MT1M: variants seen among roughly 807,000 people sequenced by gnomAD.
MT1M encodes the protein metallothionein-1M.
Under a neutral mutation model 8.5 loss-of-function variants are expected in MT1M, and 11 were observed. That is an observed-to-expected ratio of 1.29 (90% CI 0.81 to 2.14). MT1M has a LOEUF of 2.14. Among genes scored for constraint, MT1M ranks in the 30% most tolerant of loss-of-function variants. The pLI, the probability that MT1M is intolerant of heterozygous loss-of-function variation, is 0.00. For missense variants in MT1M, 84 were observed against 76.6 expected, an observed-to-expected ratio of 1.10 and a Z score of -0.36; for synonymous variants, 28 against 30.0, an observed-to-expected ratio of 0.93 and a Z score of 0.22.
chr16:56,633,136 C>A (rs1468036556), intron 1 of MT1M, among the ~76,000 whole-genome samples: 1 of 152,172 alleles, frequency 6.6e-6, no homozygotes, highest in Non-Finnish European at 1.5e-5. Context: ...GTTGGGTGTG[C>A]CCCTGGGACC....
At chr16:56,632,922 C>A (rs1337239890) in intron 1 of MT1M, among the ~76,000 whole-genome samples, 163 bp downstream of exon 1, 3 of 152,200 alleles carry the variant, frequency 2.0e-5, no homozygotes, top group African/African-American at 7.2e-5. Context: ...ACTGCCCTCC[C>A]TCCTGGGCCT....
intron 2 of MT1M, 131 bp downstream of exon 2, chr16:56,633,536 C>T: frequency 6.3e-7 from 1 of 1,597,130 alleles, no homozygotes; most frequent in Non-Finnish European, 8.5e-7. Flanking sequence ...CATTCCCTCT[C>T]CAGGCTTTCT....
intron 2 of MT1M, 41 bp downstream of exon 2, chr16:56,633,446 G>C (rs755655468): frequency 1.9e-5 from 30 of 1,614,074 alleles, no homozygotes; most frequent in Admixed American, 1.2e-4. Flanking sequence ...GGCTGTGGCT[G>C]AGATTGGGAG....
In MT1M at chr16:56,632,762, A is replaced by T. The variant is rs1363793752; in HGVS notation, c.28+3A>T. Reference sequence around the variant, plus strand: ...CCCCAACTGCTCCTGCACCACTGGTAAGAGAAGCCGACCCTGCGCCCTAGG... The same window carrying T: ...CCCCAACTGCTCCTGCACCACTGGTTAGAGAAGCCGACCCTGCGCCCTAGG... On this transcript the variant is annotated splice_donor_region_variant and intron_variant, in intron 1 of 2. Transcript: ENST00000379818. The T allele has an allele frequency of 3.7e-6, 6 of 1,613,818 alleles. No homozygotes were observed. The highest frequency in any genetic ancestry group is 2.7e-5 in the African/African-American group (2 of 74,936).
chr16:56,633,155 A>G (rs1158465341), intron 1 of MT1M, among the ~76,000 whole-genome samples, 185 bp from the exon 2 acceptor site: 5 of 152,282 alleles, frequency 3.3e-5, no homozygotes, highest in Non-Finnish European at 7.4e-5. Context: ...CCTTCCTGGT[A>G]GGGTAAAACA....
intron 1 of MT1M, 43 bp from the exon 2 acceptor site, chr16:56,633,297 T>C (rs1243354457): frequency 1.2e-6 from 2 of 1,614,042 alleles, no homozygotes; most frequent in South Asian, 1.1e-5. Context: ...CTGTACCTTC[T>C]TCATCTCACT....
chr16:56,632,867 C>T, intron 1 of MT1M, 108 bp downstream of exon 1: 2 of 1,379,478 alleles, frequency 1.4e-6, no homozygotes, highest in Non-Finnish European at 2.1e-6. Context: ...AAGGGAATTC[C>T]TTTACTTCCT....
At chr16:56,633,465 A>T in intron 2 of MT1M, 60 bp downstream of exon 2, 2 of 1,614,126 alleles carry the variant, frequency 1.2e-6, no homozygotes, top group Non-Finnish European at 1.7e-6. Context: ...AGGGAACCCA[A>T]GGCTGGCCCT....
chr16:56,633,822 A>T lies in MT1M; in HGVS notation c.166A>T (p.Asn56Tyr), dbSNP rs1275895288. 1 of 1,614,194 alleles carries T rather than the reference A, an allele frequency of 6.2e-7. No individual in the cohort carries two copies. Among genetic ancestry groups the T allele is most frequent in the Non-Finnish European group, 8.5e-7 (1 of 1,180,042 alleles). The stretch of plus-strand genomic sequence containing the variant: ...CTGTGTCTGCAAAGGGACGTTGGAG[A>T]ACTGCAGCTGCTGTGCCTGATGTGG... ...HGCVCKGTLE[N>Y]CSCCA The change falls in exon 3 of 3, where the codon AAC becomes TAC. Residue 56 changes from asparagine (N) to tyrosine (Y), a missense_variant. Coordinates refer to ENST00000379818, the MANE Select transcript of MT1M (RefSeq NM_176870.3).
Position 56,633,412 on chromosome 16 carries a change from G to A in MT1M, c.94+7G>A. 6.2e-7 allele frequency: 1 copy of A among 1,614,258 alleles called. No individual in the cohort carries two copies. Among genetic ancestry groups the A allele is most frequent in the Non-Finnish European group, 8.5e-7 (1 of 1,180,052 alleles). ...TGCACCTCCTGCAAGAAGAGTGAGT[G>A]CGGGGCCATCTCCAGGAATCTGGGG... On this transcript the variant is annotated splice_region_variant and intron_variant, in intron 2 of 2. Coordinates refer to ENST00000379818, the MANE Select transcript of MT1M (RefSeq NM_176870.3).
intron 1 of MT1M, 55 bp from the exon 2 acceptor site, chr16:56,633,285 T>C: frequency 6.2e-7 from 1 of 1,613,362 alleles, no homozygotes; most frequent in Non-Finnish European, 8.5e-7. Context: ...ATTGACCCAT[T>C]GCTGTACCTT....
intron 1 of MT1M, 85 bp from the exon 2 acceptor site, chr16:56,633,255 G>A (rs1960312845): frequency 6.3e-7 from 1 of 1,586,118 alleles, no homozygotes; most frequent in Non-Finnish European, 8.6e-7. Context: ...CCTGCACAAA[G>A]GAGGGGGCAC....
chr16:56,632,795 T>C (rs1224770115), intron 1 of MT1M, 36 bp downstream of exon 1: 2 of 1,613,598 alleles, frequency 1.2e-6, no homozygotes, highest in Admixed American at 3.3e-5. Flanking sequence ...AGGAATCCCA[T>C]TTCCCAGCCC....
intron 1 of MT1M, 69 bp downstream of exon 1, chr16:56,632,828 T>C: frequency 6.3e-7 from 1 of 1,590,810 alleles, no homozygotes. Context: ...TCTCTGGGTT[T>C]GAGGAGGTCG....
intron 2 of MT1M, 76 bp from the exon 3 acceptor site, chr16:56,633,675 C>T: frequency 4.4e-6 from 7 of 1,604,472 alleles, no homozygotes; most frequent in Non-Finnish European, 6.0e-6. Flanking sequence ...GTTCTGAGCT[C>T]CAGCCAGGCT....
At position 56,633,357 on chromosome 16, in the gene MT1M, A is replaced by T; in HGVS notation, c.46A>T (p.Thr16Ser). ...SCTTGVSCAC[T>S]GSCTCKECKC... Reference sequence around the variant, plus strand: ...CCTTGCAGGTGTCTCCTGCGCCTGCACCGGCTCCTGCACGTGCAAAGAGTG... The same window carrying T: ...CCTTGCAGGTGTCTCCTGCGCCTGCTCCGGCTCCTGCACGTGCAAAGAGTG... Residue 16 changes from threonine (T) to serine (S), a missense_variant, in exon 2 of 3, where the codon ACC becomes TCC. Physicochemically the swap from Thr to Ser is moderately conservative, Grantham distance 58. Transcript: ENST00000379818. 6.2e-7 allele frequency: 1 copy of T among 1,614,198 alleles called. No homozygotes were observed. Among genetic ancestry groups the T allele is most frequent in the South Asian group, 1.1e-5 (1 of 91,088 alleles).
intron 2 of MT1M, 77 bp downstream of exon 2, chr16:56,633,482 A>T: frequency 1.2e-6 from 2 of 1,613,976 alleles, no homozygotes; most frequent in Non-Finnish European, 1.7e-6. Flanking sequence ...CCCTGAGTGC[A>T]TCCTTCTGGG....
Position 56,633,595 on chromosome 16 carries a change from A to G in MT1M, c.95-156A>G, listed in dbSNP as rs1960319859. The G allele has an allele frequency of 1.9e-6, 3 of 1,597,360 alleles. No homozygotes were observed. The South Asian group carries it at 3.3e-5, about 18-fold the overall frequency. On this transcript the variant is annotated intron_variant, in intron 2 of 2. Transcript: ENST00000379818. ...ACAGCATTTTTCTCTTGGGACACAAATCCCAACTGTAGCATCTATGGTTTC... is the reference window on the plus strand; with the variant it reads ...ACAGCATTTTTCTCTTGGGACACAAGTCCCAACTGTAGCATCTATGGTTTC...
Position 56,633,715 on chromosome 16 carries a change from A to G in MT1M, c.95-36A>G, listed in dbSNP as rs759174326. 33 of 1,612,900 alleles carry G rather than the reference A, an allele frequency of 2.0e-5. No homozygotes were observed. In the South Asian group the frequency reaches 3.6e-4, roughly 18 times the overall value. On this transcript the variant is annotated intron_variant, in intron 2 of 2. Coordinates refer to ENST00000379818, the MANE Select transcript of MT1M (RefSeq NM_176870.3). ...ATTGGGGCAGGGCGGTGCCCGGTCA[A>G]GTCTACTGCTACCTCTCTCTCCCCT...
Sources: gnomAD v4.1 joint callset for allele counts (sites outside exome capture counted in the v4.1 genomes callset) on GRCh38, gnomAD v4.1.1 for gene constraint, MANE v1.5 for transcripts, NCBI Gene and HGNC (gene_info 2026-07-23, HGNC 2026-07-21) for gene names.